The following MICALL1 variants were observed in gnomAD, a reference collection of about 807,000 sequenced individuals.
MICALL1 encodes MICAL like 1.
Under a neutral mutation model 83.7 loss-of-function variants are expected in MICALL1, and 61 were observed. That is an observed-to-expected ratio of 0.73 (90% CI 0.59 to 0.90). The LOEUF (loss-of-function observed/expected upper bound fraction) is 0.90, where lower values mean the gene tolerates loss of function less well. MICALL1 is among the 40% of genes least tolerant of loss of function. The probability of loss-of-function intolerance (pLI) is 0.00; values close to 1 mark genes in which losing one functional copy is unlikely to be tolerated. For missense variants in MICALL1, 1,066 were observed against 1,152.0 expected (o/e 0.93, Z 1.08); for synonymous variants, 481 against 473.6 (o/e 1.02, Z -0.20).
At position 37,930,080 on chromosome 22, in the gene MICALL1, C is replaced by CG. The variant is rs1260949549; in HGVS notation, c.1882-1714dup. On this transcript the variant is annotated intron_variant, in intron 9 of 15. Transcript: ENST00000215957. The surrounding 1 kb of genome is among the most constrained non-coding windows in gnomAD (Gnocchi z 4.8). Reference sequence around the variant, plus strand: ...CCTGGTTCCTTGGTGGTGGAGGGCACGGGGGTGGGTCACCTTCGGATTCTC... The same window carrying CG: ...CCTGGTTCCTTGGTGGTGGAGGGCACGGGGGGTGGGTCACCTTCGGATTCTC... Among the ~76,000 whole-genome samples, 1 of 152,126 alleles carries CG rather than the reference C, an allele frequency of 6.6e-6. No homozygotes were observed.
chr22:37,906,649 C>A lies in MICALL1; in HGVS notation c.146+81C>A. The A allele has an allele frequency of 7.2e-6, 8 of 1,113,978 alleles. No homozygotes were observed. The highest frequency in any genetic ancestry group is 8.8e-6 in the Non-Finnish European group (8 of 908,578). 69.0% of individuals were successfully genotyped at this position (1,113,978 alleles called of 1,614,324 possible). The stretch of plus-strand genomic sequence containing the variant: ...GCCGCCCCCCCTCAGTAACACGAAG[C>A]CCGGGCGGTGACAGGCGCCGCCCCC... On this transcript the variant is annotated intron_variant, in intron 1 of 15. Transcript: ENST00000215957. The surrounding 1 kb of genome is among the most constrained non-coding windows in gnomAD (Gnocchi z 4.4).
At chr22:37,927,958 A>T in intron 9 of MICALL1, 132 bp downstream of exon 9, 1 of 996,470 alleles carries the variant, frequency 1.0e-6, no homozygotes, top group East Asian at 2.7e-5. Flanking sequence ...CCCAGGCTGG[A>T]GTGCAGTGGC....
At chr22:37,907,430 G>C (rs1294160971) in intron 1 of MICALL1, 1 of 152,396 alleles carries the variant, frequency 6.6e-6, no homozygotes, top group African/African-American at 2.4e-5. Flanking sequence ...TCTCTGCCTT[G>C]AGCCCTGGAA....
intron 15 of MICALL1, among the ~76,000 whole-genome samples, chr22:37,938,620 ATTTTTTT>A (rs778980032): frequency 1.7e-5 from 2 of 118,790 alleles, no homozygotes; most frequent in African/African-American, 3.2e-5. Flanking sequence ...CACCCAGCTA[ATTTTTTT>A]TTTTTTTTTT....
Position 37,906,531 on chromosome 22 carries a change from T to G in MICALL1, c.109T>G (p.Phe37Val). 2.4e-6 allele frequency: 3 copies of G among 1,228,754 alleles called. No individual in the cohort carries two copies. Among genetic ancestry groups the G allele is most frequent in the Non-Finnish European group, 3.1e-6 (3 of 975,076 alleles). 76.1% of individuals were successfully genotyped at this position (1,228,754 alleles called of 1,614,324 possible). ...CAGCTCCTTCCGGGACGGCCTGGCCTTCTGCGCCATCCTGCACCGGCACCG... is the reference window on the plus strand; with the variant it reads ...CAGCTCCTTCCGGGACGGCCTGGCCGTCTGCGCCATCCTGCACCGGCACCG... ...LSSSFRDGLAFCAILHRHRPD... is the reference protein window; with the variant it reads ...LSSSFRDGLAVCAILHRHRPD... The change falls in exon 1 of 16, where the codon TTC becomes GTC. Residue 37 changes from phenylalanine to valine, a missense_variant. Coordinates refer to ENST00000215957, the MANE Select transcript of MICALL1 (RefSeq NM_033386.4). The surrounding 1 kb of genome is among the most constrained non-coding windows in gnomAD (Gnocchi z 4.4).
chr22:37,906,511 C>T lies in MICALL1; in HGVS notation c.89C>T (p.Ser30Phe). The change falls in exon 1 of 16, where the codon TCC (serine) becomes TTC (phenylalanine). Residue 30 changes from serine (S) to phenylalanine (F), a missense_variant. By Grantham distance (155) the Ser-to-Phe change is radical. Transcript: ENST00000215957. The surrounding 1 kb of genome is among the most constrained non-coding windows in gnomAD (Gnocchi z 4.4). ...RGVEIRDLSS[S>F]FRDGLAFCAI... is the part of the protein sequence containing the mutation. ...GTGGAGATCCGCGACCTGAGCAGCT[C>T]CTTCCGGGACGGCCTGGCCTTCTGC... 1.6e-6 allele frequency: 2 copies of T among 1,252,064 alleles called. No homozygotes were observed. Among genetic ancestry groups the T allele is most frequent in the Non-Finnish European group, 2.0e-6 (2 of 986,822 alleles). The allele number at this position is 1,252,064 out of a possible 1,614,324, so 77.6% of individuals were successfully genotyped here. A position where few individuals can be genotyped will look rare whatever the true frequency, so the allele number is the denominator to read the frequency against.
Position 37,927,780 on chromosome 22 carries a change from G to A in MICALL1, c.1835G>A (p.Ser612Asn), listed in dbSNP as rs760190326. 2 of 1,612,582 alleles carry A rather than the reference G, an allele frequency of 1.2e-6. No homozygotes were observed. The highest frequency in any genetic ancestry group is 1.7e-5 in the Admixed American group (1 of 59,980). Residue 612 changes from serine to asparagine, a missense_variant, in exon 9 of 16, where the codon AGC becomes AAC. By Grantham distance (46) the Ser-to-Asn change is conservative. Coordinates refer to ENST00000215957, the MANE Select transcript of MICALL1 (RefSeq NM_033386.4). ...CCTCTCTTGTTGGTTGGAGACAGGA[G>A]CCCGGTGCCTTCCCCTGGAAGCTCG... ...PTPLLLVGDR[S>N]PVPSPGSSSP...
intron 15 of MICALL1, among the ~76,000 whole-genome samples, chr22:37,939,981 T>C (rs1930344793): frequency 6.6e-6 from 1 of 151,564 alleles, no homozygotes; most frequent in South Asian, 2.1e-4. Context: ...TCTCAGCTAC[T>C]TGGGAGGCTA....
Position 37,906,494 on chromosome 22 carries a change from C to G in MICALL1, c.72C>G (p.Ile24Met). 8.0e-7 allele frequency: 1 copy of G among 1,257,834 alleles called. No individual in the cohort carries two copies. The highest frequency in any genetic ancestry group is 1.0e-6 in the Non-Finnish European group (1 of 990,048). The allele number at this position is 1,257,834 out of a possible 1,614,324, so 77.9% of individuals were successfully genotyped here. A position where few individuals can be genotyped will look rare whatever the true frequency, so the allele number is the denominator to read the frequency against. Residue 24 changes from isoleucine to methionine, a missense_variant, in exon 1 of 16, where the codon ATC becomes ATG. Transcript: ENST00000215957. This position sits in a 1 kb window ranked among gnomAD's most constrained non-coding sequence, Gnocchi z 4.4. Reference sequence around the variant, plus strand: ...GCGAGGGCTACCGCGGCGTGGAGATCCGCGACCTGAGCAGCTCCTTCCGGG... The same window carrying G: ...GCGAGGGCTACCGCGGCGTGGAGATGCGCGACCTGAGCAGCTCCTTCCGGG... ...RQCEGYRGVEIRDLSSSFRDG... is the reference protein window; with the variant it reads ...RQCEGYRGVEMRDLSSSFRDG...
In MICALL1 at chr22:37,942,777, AGGC is replaced by A. The variant is rs1226126270; in HGVS notation, c.*1949_*1951del. On this transcript the variant is annotated 3_prime_UTR_variant, in exon 16 of 16. Transcript: ENST00000215957. ...TGGCCTCCCAAAGTGCTGGGATTACAGGCGTGAGCCACCACGCCCGGCCACTAG... is the reference window on the plus strand; with the variant it reads ...TGGCCTCCCAAAGTGCTGGGATTACAGTGAGCCACCACGCCCGGCCACTAG... The A allele has an allele frequency of 6.6e-6, 1 of 152,424 alleles. No homozygotes were observed. The highest frequency in any genetic ancestry group is 1.5e-5 in the Non-Finnish European group (1 of 68,230). The allele number at this position is 152,424 out of a possible 1,614,324, so 9.4% of individuals were successfully genotyped here.
rs764263224 is a variant in MICALL1, at chr22:37,937,781, T to C, written c.2459T>C (p.Ile820Thr). 3 of 1,613,510 alleles carry C rather than the reference T, an allele frequency of 1.9e-6. No homozygotes were observed. Among genetic ancestry groups the C allele is most frequent in the Admixed American group, 3.3e-5 (2 of 59,984 alleles). Residue 820 changes from isoleucine to threonine, a missense_variant, in exon 15 of 16, where the codon ATC becomes ACC. Transcript: ENST00000215957. ...EEEDKMLEAM[I>T]KKKEFQREAE... ...GAAGACAAGATGTTGGAAGCCATGA[T>C]CAAGAAGAAAGGTGAGGCCCTTGCT...
At chr22:37,933,353 G>T (rs1929907870) in intron 13 of MICALL1, among the ~76,000 whole-genome samples, 1 of 152,134 alleles carries the variant, frequency 6.6e-6, no homozygotes, top group Non-Finnish European at 1.5e-5. Flanking sequence ...GTAGGGTGTG[G>T]ACGTCCGAGG....
At chr22:37,934,281 G>A (rs1170033914) in intron 13 of MICALL1, among the ~76,000 whole-genome samples, 1 of 152,186 alleles carries the variant, frequency 6.6e-6, no homozygotes, top group East Asian at 1.9e-4. Flanking sequence ...ATTGCTTGGG[G>A]GCATCAGGCT....
chr22:37,926,994 G>A (rs1929485040), intron 8 of MICALL1: 1 of 222,828 alleles, frequency 4.5e-6, no homozygotes, highest in African/African-American at 2.3e-5. Context: ...CAGCCACGAG[G>A]AGATAAATTG....
Position 37,922,095 on chromosome 22 carries a change from T to C in MICALL1, c.693T>C (p.Pro231=), listed in dbSNP as rs548034739. The change falls in exon 6 of 16, where the codon CCT becomes CCC. Residue 231 remains proline, a synonymous_variant. Transcript: ENST00000215957. ...LGPGTRSGTR[P]GPFSQPKQQH... The stretch of plus-strand genomic sequence containing the variant: ...CGGGGACACGGTCGGGGACCAGGCC[T>C]GGGCCCTTCTCACAGCCAAAGCAGC... The C allele has an allele frequency of 6.2e-7, 1 of 1,613,242 alleles. No individual in the cohort carries two copies. Among genetic ancestry groups the C allele is most frequent in the Non-Finnish European group, 8.5e-7 (1 of 1,180,004 alleles).
chr22:37,936,142 G>A (rs931829601), intron 13 of MICALL1, among the ~76,000 whole-genome samples: 4 of 152,282 alleles, frequency 2.6e-5, no homozygotes, highest in East Asian at 1.9e-4. Flanking sequence ...GAAATACTAG[G>A]GCCCCAGTGG....
At chr22:37,937,955 G>C (rs1930227828) in intron 15 of MICALL1, 163 bp downstream of exon 15, 1 of 868,140 alleles carries the variant, frequency 1.2e-6, no homozygotes, top group Non-Finnish European at 1.8e-6. Flanking sequence ...TGTAGCAAGA[G>C]AGGCCAGCAT....
intron 14 of MICALL1, 81 bp from the exon 15 acceptor site, chr22:37,937,665 C>A: frequency 6.9e-7 from 1 of 1,444,928 alleles, no homozygotes; most frequent in Non-Finnish European, 9.6e-7. Flanking sequence ...TTCAGGTGAT[C>A]CACCCACCTT....
Position 37,940,896 on chromosome 22 carries a change from A to G in MICALL1, c.*66A>G, listed in dbSNP as rs928960549. The G allele has an allele frequency of 1.4e-5, 23 of 1,597,448 alleles. No homozygotes were observed. The African/African-American group carries it at 3.1e-4, about 21-fold the overall frequency. On this transcript the variant is annotated 3_prime_UTR_variant, in exon 16 of 16. Transcript: ENST00000215957. The stretch of plus-strand genomic sequence containing the variant: ...AGCTCCTGGGCTGTGCTCTGTTTGA[A>G]GGGGGCGCCCTGCTCCCCTCAGATC...
Sources: gnomAD v4.1 joint callset for allele counts (sites outside exome capture counted in the v4.1 genomes callset) on GRCh38, gnomAD v4.1.1 for gene constraint, Gnocchi (gnomAD v3.1) non-coding constraint, MANE v1.5 for transcripts, NCBI Gene and HGNC (gene_info 2026-07-23, HGNC 2026-07-21) for gene names.